Variants in SLC35F1 observed in about 807,000 individuals in gnomAD.
SLC35F1 encodes chromosome 6 open reading frame 169.
Under a neutral mutation model 48.7 loss-of-function variants are expected in SLC35F1, and 14 were observed. The observed-to-expected ratio is 0.29, with a 90% CI of 0.19 to 0.45. SLC35F1 has a LOEUF of 0.45. Ranked by LOEUF, SLC35F1 falls within the 20% of genes least tolerant of loss-of-function variation. The pLI is 1.00. For synonymous variants in SLC35F1, 190 were observed against 202.2 expected (o/e 0.94, Z 0.51); for missense variants, 404 against 500.0 (o/e 0.81, Z 1.83).
intron 2 of SLC35F1, among the ~76,000 whole-genome samples, chr6:118,157,905 C>T (rs1440152957): frequency 2.0e-5 from 3 of 152,154 alleles, no homozygotes; most frequent in African/African-American, 7.2e-5. Context: ...TCAATCCAAT[C>T]AAGTTGACAT....
At chr6:118,033,783 A>G (rs746690732) in intron 1 of SLC35F1, among the ~76,000 whole-genome samples, 1 of 152,350 alleles carries the variant, frequency 6.6e-6, no homozygotes, top group African/African-American at 2.4e-5. Context: ...TGTTACCCAC[A>G]TGGTCAAGAT....
At chr6:118,191,575 G>T (rs1234501336) in intron 2 of SLC35F1, among the ~76,000 whole-genome samples, 2 of 152,090 alleles carry the variant, frequency 1.3e-5, no homozygotes, top group Non-Finnish European at 1.5e-5. Flanking sequence ...AAAGTTCAAG[G>T]TTCCAAAGTT....
chr6:118,187,341 C>T (rs924209154), intron 2 of SLC35F1, among the ~76,000 whole-genome samples: 24 of 152,152 alleles, frequency 1.6e-4, no homozygotes, highest in African/African-American at 5.8e-4. Context: ...CCAGTTAATG[C>T]CAAGCCCCCT....
chr6:118,110,546 CA>C (rs748424260), intron 1 of SLC35F1, among the ~76,000 whole-genome samples: 1 of 152,026 alleles, frequency 6.6e-6, no homozygotes, highest in Non-Finnish European at 1.5e-5. Context: ...ATGTATCAGA[CA>C]AAAGAAAGTG....
chr6:117,999,485 G>C (rs1291620170), intron 1 of SLC35F1: 12 of 1,486,888 alleles, frequency 8.1e-6, no homozygotes, highest in Non-Finnish European at 1.1e-5. Context: ...GGACTGGTGC[G>C]ACCCCCCACC....
intron 1 of SLC35F1, among the ~76,000 whole-genome samples, chr6:117,954,762 C>T (rs892301476): frequency 6.6e-5 from 10 of 152,306 alleles, no homozygotes; most frequent in East Asian, 1.9e-4. Flanking sequence ...CCAGACTTTG[C>T]GTTCAGATGG....
At chr6:118,194,849 A>C (rs1774779546) in intron 2 of SLC35F1, among the ~76,000 whole-genome samples, 1 of 152,106 alleles carries the variant, frequency 6.6e-6, no homozygotes, top group Non-Finnish European at 1.5e-5. Context: ...CCTGCTTGCC[A>C]CACTATAGCC....
chr6:118,148,632 A>T (rs533035816), intron 1 of SLC35F1, among the ~76,000 whole-genome samples: 109 of 152,306 alleles, frequency 7.2e-4, no homozygotes, highest in Middle Eastern at 3.4e-3. Context: ...ATAAACAAAG[A>T]AGATGAAAAT....
chr6:118,018,559 C>G (rs967964097), intron 1 of SLC35F1, among the ~76,000 whole-genome samples: 6 of 152,032 alleles, frequency 3.9e-5, no homozygotes, highest in Non-Finnish European at 8.8e-5. Context: ...TAGTGCCATA[C>G]TGCTTCAGAT....
chr6:117,989,620 A>T (rs1225267470), intron 1 of SLC35F1, among the ~76,000 whole-genome samples: 1 of 152,186 alleles, frequency 6.6e-6, no homozygotes, highest in East Asian at 1.9e-4. Context: ...TATTTTGTTA[A>T]TTTTTTGTAA....
At chr6:118,064,101 T>A (rs1319133951) in intron 1 of SLC35F1, among the ~76,000 whole-genome samples, 3 of 152,112 alleles carry the variant, frequency 2.0e-5, no homozygotes, top group Non-Finnish European at 4.4e-5. Flanking sequence ...GAGGAGCAAG[T>A]CACATCTTAC....
chr6:117,923,702 T>TATAATGTAC (rs1562238827), intron 1 of SLC35F1, among the ~76,000 whole-genome samples: 1 of 17,470 alleles, frequency 5.7e-5, no homozygotes, highest in Non-Finnish European at 1.3e-4. Context: ...TACATATACA[T>TATAATGTAC]ATATGTACAT....
At chr6:118,074,344 T>C (rs1772787810) in intron 1 of SLC35F1, among the ~76,000 whole-genome samples, 1 of 152,186 alleles carries the variant, frequency 6.6e-6, no homozygotes, top group South Asian at 2.1e-4. Flanking sequence ...CAGCATGGAA[T>C]ATTGACTGAA....
At chr6:118,210,655 C>A (rs1562326395) in intron 2 of SLC35F1, among the ~76,000 whole-genome samples, 1 of 152,120 alleles carries the variant, frequency 6.6e-6, no homozygotes, top group Non-Finnish European at 1.5e-5. Context: ...TCAGCTCTAG[C>A]CTTTGAACTT....
rs554392994 is a variant in SLC35F1 at position 118,027,181 on chromosome 6, C to A, written c.173+119282C>A. On this transcript the variant is annotated intron_variant, in intron 1 of 7. Coordinates refer to ENST00000360388, the MANE Select transcript of SLC35F1 (RefSeq NM_001029858.4). ...GAAATATTCCATTTTATTTGCTTAT[C>A]TTTTCTCCAGGTGATGGACATTTGG... 7.2e-5 allele frequency among the ~76,000 whole-genome samples: 11 copies of A among 152,136 alleles called. No individual in the cohort carries two copies. The South Asian group carries it at 1.9e-3, about 26-fold the overall frequency.
chr6:117,984,688 G>C (rs1020503017), intron 1 of SLC35F1, among the ~76,000 whole-genome samples: 1 of 152,080 alleles, frequency 6.6e-6, no homozygotes, highest in African/African-American at 2.4e-5. Context: ...TTACTGTCTG[G>C]TCCTGCACAG....
intron 1 of SLC35F1, among the ~76,000 whole-genome samples, chr6:118,047,706 C>G (rs578133677): frequency 7.0e-4 from 106 of 152,238 alleles, no homozygotes; most frequent in African/African-American, 2.1e-3. Context: ...AAATTTAAAA[C>G]TGGCTCTGGA....
chr6:118,045,701 C>T (rs1405819967), intron 1 of SLC35F1, among the ~76,000 whole-genome samples: 1 of 152,128 alleles, frequency 6.6e-6, no homozygotes, highest in Non-Finnish European at 1.5e-5. Context: ...ATGCACAGGC[C>T]TACCTCAGAA....
intron 1 of SLC35F1, among the ~76,000 whole-genome samples, chr6:117,998,803 T>A (rs1367163235): frequency 6.6e-6 from 1 of 152,130 alleles, no homozygotes; most frequent in Non-Finnish European, 1.5e-5. Context: ...TATAGCACTA[T>A]ATGCCCACAA....
Sources: allele counts gnomAD v4.1 joint callset (sites outside exome capture counted in the v4.1 genomes callset), GRCh38; gene constraint gnomAD v4.1.1; transcripts MANE v1.5; gene names NCBI Gene and HGNC (gene_info 2026-07-23, HGNC 2026-07-21).